The following EML1 variants were observed in gnomAD, a reference collection of about 807,000 sequenced individuals.
The protein encoded by EML1 is echinoderm microtubule-associated protein-like 1.
Under a neutral mutation model 110.4 loss-of-function variants are expected in EML1, and 27 were observed. That is an observed-to-expected ratio of 0.24 (90% CI 0.18 to 0.34). EML1 has a LOEUF of 0.34. Among genes scored for constraint, EML1 ranks in the 10% least tolerant of loss-of-function variants. The pLI is 1.00. For synonymous variants in EML1, 344 were observed against 385.8 expected (o/e 0.89, Z 1.27); for missense variants, 741 against 1,030.9 (o/e 0.72, Z 3.85).
At chr14:99,860,171 C>T (rs1222251928) in intron 2 of EML1, among the ~76,000 whole-genome samples, 10 of 152,158 alleles carry the variant, frequency 6.6e-5, no homozygotes, top group Admixed American at 3.9e-4. Flanking sequence ...CCACCGGATG[C>T]GTTCCAAACA....
intron 4 of EML1, among the ~76,000 whole-genome samples, chr14:99,888,657 C>T (rs749332557): frequency 6.6e-6 from 1 of 152,158 alleles, no homozygotes; most frequent in African/African-American, 2.4e-5. Context: ...AAAATGAGAA[C>T]AATTCAGGTA....
chr14:99,803,521 C>T (rs958287248), intron 1 of EML1, among the ~76,000 whole-genome samples: 3 of 152,208 alleles, frequency 2.0e-5, no homozygotes, highest in Non-Finnish European at 4.4e-5. Context: ...CATATGAATG[C>T]AGGCCCAGGA....
chr14:99,811,980 G>C (rs1377623376), intron 1 of EML1, among the ~76,000 whole-genome samples: 1 of 151,910 alleles, frequency 6.6e-6, no homozygotes, highest in Non-Finnish European at 1.5e-5. Context: ...TGGTCTTGCT[G>C]TCTCAGAGGT....
intron 1 of EML1, among the ~76,000 whole-genome samples, chr14:99,775,615 A>C (rs17099031): frequency 0.26 from 39,967 of 152,084 alleles, 6,369 homozygotes; most frequent in African/African-American, 0.45. Context: ...ACTCTTCATG[A>C]CGGGCAGCAG....
At chr14:99,770,377 T>TTCTATCTATATCTATCTA (rs1555388117), upstream of EML1, among the ~76,000 whole-genome samples, 1 of 150,186 alleles carries the variant, frequency 6.7e-6, no homozygotes, top group Non-Finnish European at 1.5e-5. Context: ...AAAAATTTCT[T>TTCTATCTATATCTATCTA]TCTATCTATC....
intron 7 of EML1, among the ~76,000 whole-genome samples, chr14:99,897,707 G>A (rs962715718): frequency 6.6e-6 from 1 of 152,120 alleles, no homozygotes; most frequent in African/African-American, 2.4e-5. Flanking sequence ...TCTAATTTGG[G>A]TCTTTATTTT....
At chr14:99,770,377 T>TCTATCTATCTATCTA (rs2057411413), upstream of EML1, among the ~76,000 whole-genome samples, 15 of 150,184 alleles carry the variant, frequency 1.0e-4, no homozygotes, top group African/African-American at 2.0e-4. Flanking sequence ...AAAAATTTCT[T>TCTATCTATCTATCTA]TCTATCTATC....
chr14:99,768,536 G>A (rs537786115), upstream of EML1, among the ~76,000 whole-genome samples: 6 of 152,306 alleles, frequency 3.9e-5, no homozygotes, highest in Admixed American at 3.3e-4. Context: ...ATATAGCAAA[G>A]GGAGGAGGTG....
intron 1 of EML1, among the ~76,000 whole-genome samples, chr14:99,754,506 G>A (rs1188533891): frequency 7.9e-5 from 12 of 152,194 alleles, no homozygotes; most frequent in African/African-American, 2.7e-4. Flanking sequence ...GGTTACAGAC[G>A]GACCTCCCAG....
Position 99,875,482 on chromosome 14 carries a change from A to G in EML1, c.384-3003A>G, listed in dbSNP as rs184325030. 4.6e-4 allele frequency among the ~76,000 whole-genome samples: 70 copies of G among 152,240 alleles called. No homozygotes were observed. The East Asian group carries it at 0.012, about 26-fold the overall frequency. ...TCTTCCAGCCACCAGGTTGAGTGTTAATTATTAGAAAATCAGTTAGTGTTT... is the reference window on the plus strand; with the variant it reads ...TCTTCCAGCCACCAGGTTGAGTGTTGATTATTAGAAAATCAGTTAGTGTTT... On this transcript the variant is annotated intron_variant, in intron 3 of 21. Coordinates refer to ENST00000262233, the MANE Select transcript of EML1 (RefSeq NM_004434.3).
intron 16 of EML1, 137 bp from the exon 17 acceptor site, chr14:99,920,652 G>C: frequency 7.6e-6 from 5 of 660,270 alleles, no homozygotes; most frequent in Non-Finnish European, 1.2e-5. Flanking sequence ...TGAAAGCTGG[G>C]AACAAGCTTT....
intron 1 of EML1, among the ~76,000 whole-genome samples, chr14:99,817,942 A>G (rs1001202744): frequency 1.3e-5 from 2 of 152,158 alleles, no homozygotes; most frequent in Non-Finnish European, 2.9e-5. Context: ...TGGAGGAAGT[A>G]TCACTGAGCT....
chr14:99,801,432 G>A (rs1053119039), intron 1 of EML1, among the ~76,000 whole-genome samples: 16 of 152,136 alleles, frequency 1.1e-4, no homozygotes, highest in African/African-American at 3.1e-4. Flanking sequence ...TGGCTAACAC[G>A]GTGAAACCCC....
chr14:99,893,846 A>G (rs2059629274), intron 5 of EML1, among the ~76,000 whole-genome samples: 1 of 152,216 alleles, frequency 6.6e-6, no homozygotes, highest in African/African-American at 2.4e-5. Context: ...CTTTGCCCTT[A>G]TCATATCCTG....
chr14:99,792,850 C>G (rs1344232271), upstream of EML1: 1 of 152,312 alleles, frequency 6.6e-6, no homozygotes. Flanking sequence ...GACAGAGGAA[C>G]GCGCCGGTCG....
At position 99,878,529 on chromosome 14, in the gene EML1, G is replaced by A. The variant is rs144315305; in HGVS notation, c.428G>A (p.Gly143Asp). 8 of 1,613,992 alleles carry A rather than the reference G, an allele frequency of 5.0e-6. No homozygotes were observed. Among genetic ancestry groups the A allele is most frequent in the Middle Eastern group, 1.6e-4 (1 of 6,084 alleles). The change falls in exon 4 of 22, where the codon GGT becomes GAT. Residue 143 changes from glycine to aspartate, a missense_variant. Around this residue, in one of 4 missense-constraint regions of EML1, gnomAD observed 226 missense variants for 255.6 expected, o/e 0.88. Coordinates refer to ENST00000262233, the MANE Select transcript of EML1 (RefSeq NM_004434.3). ...TSSSERVSPG[G>D]RRESNGDSRG... ...TCTTCTGAACGAGTGTCTCCTGGGG[G>A]TCGAAGGGAAAGCAATGGGGATTCC...
chr14:99,919,692 G>A (rs899827788), intron 16 of EML1, among the ~76,000 whole-genome samples: 1 of 152,158 alleles, frequency 6.6e-6, no homozygotes, highest in Non-Finnish European at 1.5e-5. Flanking sequence ...TCCTAGGTTA[G>A]GCTTAGCTCC....
chr14:99,927,100 A>G (rs1431575996), intron 17 of EML1, among the ~76,000 whole-genome samples: 1 of 152,106 alleles, frequency 6.6e-6, no homozygotes, highest in Non-Finnish European at 1.5e-5. Context: ...CCCAACCCAA[A>G]TCAGCATTGA....
At chr14:99,751,365 C>G (rs1030842105) in intron 1 of EML1, among the ~76,000 whole-genome samples, 1 of 152,056 alleles carries the variant, frequency 6.6e-6, no homozygotes, top group African/African-American at 2.4e-5. Flanking sequence ...CCTGGGTGAC[C>G]CAGCACGGAA....
Sources: gnomAD v4.1 joint callset for allele counts (sites outside exome capture counted in the v4.1 genomes callset) on GRCh38, gnomAD v4.1.1 for gene constraint, gnomAD v4.1.1 regional missense constraint, MANE v1.5 for transcripts, NCBI Gene and HGNC (gene_info 2026-07-23, HGNC 2026-07-21) for gene names.